Variants in SCN11A observed in about 807,000 individuals in gnomAD.
SCN11A encodes sodium voltage-gated channel alpha subunit 11.
A neutral mutation model predicts 162.2 loss-of-function variants in SCN11A; 122 were observed. The observed-to-expected ratio is 0.75, with a 90% CI of 0.65 to 0.87. SCN11A has a LOEUF of 0.87. Among genes scored for constraint, SCN11A ranks in the 40% least tolerant of loss-of-function variants. SCN11A has a pLI of 0.00. For missense variants in SCN11A, 2,015 were observed against 2,181.6 expected (o/e 0.92, Z 1.52); for synonymous variants, 758 against 751.5 (o/e 1.01, Z -0.14).
At chr3:39,020,364 C>T (rs1457991845) in intron 2 of SCN11A, among the ~76,000 whole-genome samples, 1 of 152,226 alleles carries the variant, frequency 6.6e-6, no homozygotes, top group African/African-American at 2.4e-5. Context: ...ATTCCTTTGT[C>T]CCGCCTCAGA....
intron 2 of SCN11A, among the ~76,000 whole-genome samples, chr3:38,962,749 G>A (rs1464082972): frequency 6.6e-6 from 1 of 152,140 alleles, no homozygotes; most frequent in East Asian, 1.9e-4. Context: ...TCAGGAGGCT[G>A]AGGCAGAAGA....
chr3:38,859,345 T>C (rs2064924873), intron 28 of SCN11A, among the ~76,000 whole-genome samples: 1 of 151,826 alleles, frequency 6.6e-6, no homozygotes, highest in Non-Finnish European at 1.5e-5. Flanking sequence ...ATAGTACAAC[T>C]GATACCACAG....
intron 2 of SCN11A, among the ~76,000 whole-genome samples, chr3:38,970,469 C>T (rs1438361746): frequency 6.6e-6 from 1 of 152,172 alleles, no homozygotes; most frequent in African/African-American, 2.4e-5. Flanking sequence ...AGGTAACTTT[C>T]TCTTTTAGTT....
chr3:38,911,149 T>G (rs2065882386), intron 11 of SCN11A, among the ~76,000 whole-genome samples: 1 of 152,200 alleles, frequency 6.6e-6, no homozygotes, highest in African/African-American at 2.4e-5. Flanking sequence ...TAGACATTTT[T>G]TCTTGGCTTT....
In SCN11A at chr3:38,859,723, C is replaced by T. The variant is rs541005876; in HGVS notation, c.4056+3472G>A. Among the ~76,000 whole-genome samples the T allele has an allele frequency of 3.3e-5, 5 of 152,262 alleles. No homozygotes were observed. In the South Asian group the frequency reaches 1.0e-3, roughly 32 times the overall value. On this transcript the variant is annotated intron_variant, in intron 28 of 29. Transcript: ENST00000302328. ...AACCTTTAAGCTGTCCTTGTTCATTCCTGGGCATAGGCTGAACTAACTTTG... is the reference window on the plus strand; with the variant it reads ...AACCTTTAAGCTGTCCTTGTTCATTTCTGGGCATAGGCTGAACTAACTTTG...
intron 4 of SCN11A, among the ~76,000 whole-genome samples, chr3:38,950,984 G>C (rs775321086): frequency 3.0e-4 from 45 of 152,252 alleles, no homozygotes; most frequent in Non-Finnish European, 6.3e-4. Context: ...AGGTGACAGC[G>C]TGCTGGCAGT....
chr3:38,856,841 T>C (rs1032626220), intron 28 of SCN11A, among the ~76,000 whole-genome samples: 2 of 152,202 alleles, frequency 1.3e-5, no homozygotes, highest in Admixed American at 1.3e-4. Context: ...CAGTAACTAC[T>C]ACAACCAGCA....
At chr3:38,975,297 G>A (rs11710221) in intron 2 of SCN11A, among the ~76,000 whole-genome samples, 20,554 of 151,988 alleles carry the variant, frequency 0.14, 1,641 homozygotes, top group East Asian at 0.24. Context: ...GAGTAAAAAC[G>A]TAGGTGGATA....
In SCN11A at chr3:38,907,978, A is replaced by C. The variant is rs766537429; in HGVS notation, c.1444T>G (p.Ser482Ala). ...RESGKDQPPG[S>A]DSDEDCQKKP... ...TTTTGGCAATCTTCATCAGAATCTG[A>C]CCCAGGAGGCTGGTCTTTCCCAGAC... Residue 482 changes from serine (S) to alanine (A), a missense_variant, in exon 14 of 30, where the codon TCA (serine) becomes GCA (alanine). Ser to Ala is a moderately conservative substitution (Grantham distance 99). Coordinates refer to ENST00000302328, the MANE Select transcript of SCN11A (RefSeq NM_001349253.2). The C allele has an allele frequency of 3.7e-6, 6 of 1,609,060 alleles. No homozygotes were observed. Among genetic ancestry groups the C allele is most frequent in the Admixed American group, 1.7e-5 (1 of 58,784 alleles).
intron 3 of SCN11A, among the ~76,000 whole-genome samples, chr3:38,957,271 G>A (rs763286584): frequency 6.6e-6 from 1 of 152,186 alleles, no homozygotes; most frequent in Non-Finnish European, 1.5e-5. Context: ...ATAGGTGAAA[G>A]TGGAGACATT....
At chr3:38,914,254 T>C (rs1312606876) in intron 11 of SCN11A, among the ~76,000 whole-genome samples, 1 of 152,150 alleles carries the variant, frequency 6.6e-6, no homozygotes, top group Non-Finnish European at 1.5e-5. Flanking sequence ...TTTGTCACAA[T>C]AGTAAATAGG....
rs534882975 is a variant in SCN11A at position 38,846,946 on chromosome 3, T to C, written c.5124A>G (p.Glu1708=). The C allele has an allele frequency of 4.3e-5, 69 of 1,614,042 alleles. No individual in the cohort carries two copies. Among genetic ancestry groups the C allele is most frequent in the Non-Finnish European group, 5.6e-5 (66 of 1,180,024 alleles). ...DGLDSMKAMM[E]EKFMEANPLK... ...GAGGATTGGCTTCCATGAACTTCTC[T>C]TCCATCATTGCTTTCATACTATCTA... Residue 1708 remains glutamate (E), a synonymous_variant, in exon 30 of 30, where the codon GAA becomes GAG. Coordinates refer to ENST00000302328, the MANE Select transcript of SCN11A (RefSeq NM_001349253.2).
chr3:38,882,966 A>C (rs552357977), intron 22 of SCN11A, among the ~76,000 whole-genome samples: 2 of 152,334 alleles, frequency 1.3e-5, no homozygotes, highest in East Asian at 3.9e-4. Flanking sequence ...TGAGAGGTAG[A>C]TGATCAAGGA....
In SCN11A at chr3:38,847,664, C is replaced by T. The variant is rs1403499986; in HGVS notation, c.4406G>A (p.Arg1469Gln). 9 of 1,613,698 alleles carry T rather than the reference C, an allele frequency of 5.6e-6. No individual in the cohort carries two copies. Among genetic ancestry groups the T allele is most frequent in the East Asian group, 4.5e-5 (2 of 44,884 alleles). The change falls in exon 30 of 30, where the codon CGG becomes CAG. Residue 1469 changes from arginine (R) to glutamine (Q), a missense_variant. Transcript: ENST00000302328. ...GACAAGCCTCAGGATTCGGCCAATC[C>T]GAGCCAAGCGGACAATTCTGAAGAG... ...PTLFRIVRLA[R>Q]IGRILRLVRA...
intron 2 of SCN11A, among the ~76,000 whole-genome samples, chr3:39,001,720 AAC>A (rs1377433814): frequency 2.0e-5 from 3 of 152,038 alleles, no homozygotes; most frequent in Admixed American, 1.3e-4. Flanking sequence ...AAAACAAACA[AAC>A]AAACAAACAA....
chr3:38,981,746 T>C (rs2030066445), intron 2 of SCN11A, among the ~76,000 whole-genome samples: 1 of 152,168 alleles, frequency 6.6e-6, no homozygotes, highest in Admixed American at 6.5e-5. Context: ...GGCTCACTCC[T>C]GTAATCCCAG....
intron 1 of SCN11A, among the ~76,000 whole-genome samples, chr3:39,036,044 C>A (rs1044098803): frequency 6.6e-6 from 1 of 152,216 alleles, no homozygotes; most frequent in African/African-American, 2.4e-5. Context: ...CACATTGATG[C>A]CAAATTTAGT....
Position 38,907,357 on chromosome 3 carries a change from T to TACACAC in SCN11A, c.1473+586_1473+591dup, listed in dbSNP as rs376599495. Among the ~76,000 whole-genome samples, 1,223 of 128,494 alleles carry TACACAC rather than the reference T, an allele frequency of 9.5e-3. 12 individuals carry two copies. The highest frequency in any genetic ancestry group is 0.038 in the Middle Eastern group (9 of 238). The allele number at this position is 128,494 out of a possible 152,430, so 84.3% of individuals were successfully genotyped here. A position where few individuals can be genotyped will look rare whatever the true frequency, so the allele number is the denominator to read the frequency against. On this transcript the variant is annotated intron_variant, in intron 14 of 29. Transcript: ENST00000302328. Reference sequence around the variant, plus strand: ...GTGTGTGTGTGTATATATCTATATATACACACACACACACACACACACACA... The same window carrying TACACAC: ...GTGTGTGTGTGTATATATCTATATATACACACACACACACACACACACACACACACA...
chr3:38,918,256 CT>C (rs1370900441), intron 11 of SCN11A, among the ~76,000 whole-genome samples: 2 of 152,142 alleles, frequency 1.3e-5, no homozygotes, highest in East Asian at 3.9e-4. Flanking sequence ...TATGCAGCAG[CT>C]GTCGGGCTCC....
Sources: gnomAD v4.1 joint callset for allele counts (sites outside exome capture counted in the v4.1 genomes callset) on GRCh38, gnomAD v4.1.1 for gene constraint, MANE v1.5 for transcripts, NCBI Gene and HGNC (gene_info 2026-07-23, HGNC 2026-07-21) for gene names.